The following SYN2 variants were observed in gnomAD, a reference collection of about 807,000 sequenced individuals.
SYN2 encodes the protein synapsin II.
In SYN2, 19 loss-of-function variants were observed where a neutral mutation model predicts 50.9. That is an observed-to-expected ratio of 0.37 (90% CI 0.26 to 0.55). The LOEUF (loss-of-function observed/expected upper bound fraction) is 0.55, where lower values mean the gene tolerates loss of function less well. Ranked by LOEUF, SYN2 falls within the 20% of genes least tolerant of loss-of-function variation. SYN2 has a pLI of 0.81. For missense variants in SYN2, 587 were observed against 576.4 expected (o/e 1.02, Z -0.19); for synonymous variants, 255 against 224.9 (o/e 1.13, Z -1.20).
At chr3:12,130,603 A>G (rs1183196647) in intron 1 of SYN2, among the ~76,000 whole-genome samples, 9 of 152,176 alleles carry the variant, frequency 5.9e-5, no homozygotes, top group Non-Finnish European at 1.0e-4. Flanking sequence ...CAACACCCTC[A>G]CAAACACATT....
At chr3:12,185,789 C>A in intron 11 of SYN2, 1 of 983,310 alleles carries the variant, frequency 1.0e-6, no homozygotes, top group Non-Finnish European at 1.2e-6. Flanking sequence ...GGAAAGCACT[C>A]AGGTTTCTGG....
chr3:12,143,664 A>G (rs1425175227), intron 3 of SYN2, among the ~76,000 whole-genome samples: 1 of 152,152 alleles, frequency 6.6e-6, no homozygotes, highest in African/African-American at 2.4e-5. Flanking sequence ...TATGCTATAT[A>G]TATTTTCTTC....
intron 3 of SYN2, among the ~76,000 whole-genome samples, chr3:12,144,194 T>C (rs1408577063): frequency 1.3e-5 from 2 of 152,214 alleles, no homozygotes; most frequent in Non-Finnish European, 2.9e-5. Context: ...GAAGCTTTGC[T>C]GGCTAGAGGG....
In SYN2 at chr3:12,048,028, C is replaced by G. The variant is rs150827188; in HGVS notation, c.377+43100C>G. Among the ~76,000 whole-genome samples, 3 of 152,256 alleles carry G rather than the reference C, an allele frequency of 2.0e-5. No homozygotes were observed. The East Asian group carries it at 5.8e-4, about 29-fold the overall frequency. On this transcript the variant is annotated intron_variant, in intron 1 of 12. Transcript: ENST00000621198. ...GTGTATTCCAACCTTTTACTTCTGA[C>G]TTACAGATAAAATGCCCATTGTTTG...
intron 4 of SYN2, among the ~76,000 whole-genome samples, chr3:12,149,259 G>A (rs549033764): frequency 2.2e-4 from 34 of 152,334 alleles, no homozygotes; most frequent in African/African-American, 6.0e-4. Context: ...GACAGAGGTC[G>A]TTTGGCAGAG....
At chr3:12,048,524 A>G (rs991811317) in intron 1 of SYN2, among the ~76,000 whole-genome samples, 8 of 152,182 alleles carry the variant, frequency 5.3e-5, no homozygotes, top group African/African-American at 1.9e-4. Flanking sequence ...TGTTTGCCAT[A>G]TAAAAAGTCT....
At chr3:12,134,125 A>G (rs1241162229) in intron 1 of SYN2, among the ~76,000 whole-genome samples, 3 of 152,256 alleles carry the variant, frequency 2.0e-5, no homozygotes, top group African/African-American at 4.8e-5. Context: ...ACTGTAAATC[A>G]TAAAAATAAC....
At chr3:12,103,105 A>G (rs1696111040) in intron 1 of SYN2, among the ~76,000 whole-genome samples, 1 of 152,188 alleles carries the variant, frequency 6.6e-6, no homozygotes, top group Non-Finnish European at 1.5e-5. Flanking sequence ...TATAGATGAA[A>G]AAACAGAAGA....
rs1698270458 is a variant in SYN2, at chr3:12,183,514, A to G, written c.1369+142A>G. 5 of 1,575,140 alleles carry G rather than the reference A, an allele frequency of 3.2e-6. No individual in the cohort carries two copies. In the South Asian group the frequency reaches 4.7e-5, roughly 15 times the overall value. The stretch of plus-strand genomic sequence containing the variant: ...AACGAAAGGAAAGCGGGGAGGGGAA[A>G]ACAGACCCTCCCACTGGTGCCGTTG... On this transcript the variant is annotated intron_variant, in intron 11 of 12. Coordinates refer to ENST00000621198, the MANE Select transcript of SYN2 (RefSeq NM_133625.6).
rs778669438 is a variant in SYN2, at chr3:12,004,857, G to T, written c.306G>T (p.Ala102=). 1 of 555,560 alleles carries T rather than the reference G, an allele frequency of 1.8e-6. No individual in the cohort carries two copies. Among genetic ancestry groups the T allele is most frequent in the Non-Finnish European group, 3.2e-6 (1 of 312,540 alleles). 34.4% of individuals were successfully genotyped at this position (555,560 alleles called of 1,614,324 possible). A position where few individuals can be genotyped will look rare whatever the true frequency, so the allele number is the denominator to read the frequency against. ...CCGCCTCGGCTGGCCTGGTGGACGCGCCCGCTCCCGCGCCCGCAGCCGCCA... is the reference window on the plus strand; with the variant it reads ...CCGCCTCGGCTGGCCTGGTGGACGCTCCCGCTCCCGCGCCCGCAGCCGCCA... ...QTAASAGLVD[A]PAPAPAAARK... Residue 102 remains alanine, a synonymous_variant, in exon 1 of 13, where the codon GCG becomes GCT. Transcript: ENST00000621198.
At chr3:12,172,234 T>G (rs1165762745) in intron 10 of SYN2, among the ~76,000 whole-genome samples, 1 of 152,144 alleles carries the variant, frequency 6.6e-6, no homozygotes, top group African/African-American at 2.4e-5. Flanking sequence ...TAAAATGGAG[T>G]TGAATTAGAT....
chr3:12,046,589 C>T (rs564157587), intron 1 of SYN2, among the ~76,000 whole-genome samples: 1 of 152,218 alleles, frequency 6.6e-6, no homozygotes, highest in South Asian at 2.1e-4. Context: ...AATGACTGCT[C>T]TGGCTGCCAT....
At chr3:12,104,377 C>G (rs1390055132) in intron 1 of SYN2, among the ~76,000 whole-genome samples, 1 of 151,704 alleles carries the variant, frequency 6.6e-6, no homozygotes, top group African/African-American at 2.4e-5. Context: ...TTTGCAAATG[C>G]TATATATTTG....
At chr3:12,109,139 A>G (rs1391334206) in intron 1 of SYN2, among the ~76,000 whole-genome samples, 2 of 152,204 alleles carry the variant, frequency 1.3e-5, no homozygotes, top group Non-Finnish European at 2.9e-5. Flanking sequence ...TCAAGATAGG[A>G]ACACAGTCAG....
chr3:12,023,424 T>C (rs530793608), intron 1 of SYN2, among the ~76,000 whole-genome samples: 51 of 150,264 alleles, frequency 3.4e-4, no homozygotes, highest in African/African-American at 1.2e-3. Flanking sequence ...CTTTGGGGAG[T>C]GTAAGACTTC....
intron 1 of SYN2, among the ~76,000 whole-genome samples, chr3:12,137,269 C>T (rs1003887474): frequency 3.3e-5 from 5 of 150,962 alleles, no homozygotes; most frequent in African/African-American, 7.3e-5. Flanking sequence ...AAAAAAAGTC[C>T]GTACTGGGCA....
At chr3:12,080,503 C>G (rs970008530) in intron 1 of SYN2, among the ~76,000 whole-genome samples, 5 of 152,052 alleles carry the variant, frequency 3.3e-5, no homozygotes, top group African/African-American at 9.7e-5. Context: ...TACATTGTCA[C>G]TTTGTTCTCG....
At chr3:12,077,679 C>T (rs1695500171) in intron 1 of SYN2, among the ~76,000 whole-genome samples, 1 of 152,168 alleles carries the variant, frequency 6.6e-6, no homozygotes, top group Non-Finnish European at 1.5e-5. Flanking sequence ...CATAGTATTC[C>T]ATGGTGTATA....
chr3:12,027,354 G>A (rs913198934), intron 1 of SYN2, among the ~76,000 whole-genome samples: 11 of 152,188 alleles, frequency 7.2e-5, no homozygotes, highest in African/African-American at 2.7e-4. Flanking sequence ...TAATGAGCCT[G>A]TGAATTACAT....
Sources: gnomAD v4.1 joint callset for allele counts (sites outside exome capture counted in the v4.1 genomes callset) on GRCh38, gnomAD v4.1.1 for gene constraint, MANE v1.5 for transcripts, NCBI Gene and HGNC (gene_info 2026-07-23, HGNC 2026-07-21) for gene names.